TPH2: variants seen among roughly 807,000 people sequenced by gnomAD.
The protein encoded by TPH2 is tryptophan 5-hydroxylase 2.
In TPH2, 27 loss-of-function variants were observed where a neutral mutation model predicts 59.1. The observed-to-expected ratio is 0.46, with a 90% CI of 0.34 to 0.63. The LOEUF (loss-of-function observed/expected upper bound fraction) is 0.63. TPH2 is among the 30% of genes least tolerant of loss of function. The probability of loss-of-function intolerance (pLI) is 0.01; values close to 1 mark genes in which losing one functional copy is unlikely to be tolerated. For synonymous variants in TPH2, 220 were observed against 210.5 expected (o/e 1.05, Z -0.39); for missense variants, 523 against 588.3 (o/e 0.89, Z 1.15).
At chr12:72,024,868 C>G (rs1873525874) in intron 9 of TPH2, among the ~76,000 whole-genome samples, 2 of 152,202 alleles carry the variant, frequency 1.3e-5, no homozygotes, top group Admixed American at 1.3e-4. Context: ...TCCATTACCT[C>G]TAGTCATTAA....
intron 5 of TPH2, among the ~76,000 whole-genome samples, chr12:71,950,868 T>C (rs1871326068): frequency 1.3e-5 from 2 of 152,140 alleles, no homozygotes; most frequent in Non-Finnish European, 2.9e-5. Flanking sequence ...GAGAAGATTC[T>C]TCATCCCACC....
chr12:71,998,405 C>T (rs1872745343), intron 8 of TPH2, among the ~76,000 whole-genome samples: 1 of 152,048 alleles, frequency 6.6e-6, no homozygotes, highest in Non-Finnish European at 1.5e-5. Context: ...GGAGATTGTT[C>T]CTGAAATGAT....
chr12:72,016,816 A>G (rs897298884), intron 8 of TPH2, among the ~76,000 whole-genome samples: 36 of 152,218 alleles, frequency 2.4e-4, no homozygotes, highest in Middle Eastern at 3.4e-3. Context: ...ATCCTGGAGG[A>G]AGTGAAAGAA....
intron 8 of TPH2, among the ~76,000 whole-genome samples, chr12:72,011,385 AT>A (rs1873095132): frequency 6.6e-6 from 1 of 152,242 alleles, no homozygotes; most frequent in South Asian, 2.1e-4. Context: ...TTTGTAAAAA[AT>A]AGAATTGGAT....
At chr12:71,943,036 C>T (rs74104726) in intron 2 of TPH2, among the ~76,000 whole-genome samples, 3,865 of 152,284 alleles carry the variant, frequency 0.025, 149 homozygotes, top group African/African-American at 0.087. Flanking sequence ...CCCCTAAAAA[C>T]ATCTACTCTG....
At chr12:72,014,686 C>T (rs1303668790) in intron 8 of TPH2, among the ~76,000 whole-genome samples, 5 of 152,130 alleles carry the variant, frequency 3.3e-5, no homozygotes, top group Admixed American at 2.6e-4. Flanking sequence ...CCACCGTGCC[C>T]GGCCCAGAAA....
chr12:71,997,101 G>A (rs1384923264), intron 8 of TPH2, among the ~76,000 whole-genome samples: 2 of 152,132 alleles, frequency 1.3e-5, no homozygotes, highest in East Asian at 3.9e-4. Flanking sequence ...GGTATGAGCC[G>A]TTTTGTTGCT....
At chr12:72,019,483 T>C (rs1447878056) in intron 8 of TPH2, among the ~76,000 whole-genome samples, 1 of 152,232 alleles carries the variant, frequency 6.6e-6, no homozygotes, top group Non-Finnish European at 1.5e-5. Flanking sequence ...GCTGCCTTTT[T>C]AATTTCTTAA....
At chr12:71,970,120 A>G (rs1871931890) in intron 5 of TPH2, among the ~76,000 whole-genome samples, 1 of 152,222 alleles carries the variant, frequency 6.6e-6, no homozygotes, top group Non-Finnish European at 1.5e-5. Flanking sequence ...ACTAGTATTT[A>G]CTTTGAGATC....
At chr12:72,029,515 T>G (rs1873660031) in intron 9 of TPH2, among the ~76,000 whole-genome samples, 1 of 152,174 alleles carries the variant, frequency 6.6e-6, no homozygotes, top group Non-Finnish European at 1.5e-5. Context: ...AAAGGGACAT[T>G]TTGTTTCTTG....
rs1873733313 is a variant in TPH2, at chr12:72,031,873, A to T, written c.*178A>T. On this transcript the variant is annotated 3_prime_UTR_variant, in exon 11 of 11. Coordinates refer to ENST00000333850, the MANE Select transcript of TPH2 (RefSeq NM_173353.4). ...GTATATAAAGCACCATAAGAAATCC[A>T]ATGGCAGATAACCACTCATTGTATG... The T allele has an allele frequency of 1.4e-6, 1 of 692,700 alleles. No individual in the cohort carries two copies. Among genetic ancestry groups the T allele is most frequent in the East Asian group, 2.7e-5 (1 of 36,792 alleles). The allele number at this position is 692,700 out of a possible 1,614,324, so 42.9% of individuals were successfully genotyped here.
intron 9 of TPH2, among the ~76,000 whole-genome samples, chr12:72,024,180 A>G (rs1873505472): frequency 6.6e-6 from 1 of 152,200 alleles, no homozygotes; most frequent in African/African-American, 2.4e-5. Context: ...CAATGAAAGA[A>G]ATGTGCCTGG....
intron 4 of TPH2, among the ~76,000 whole-genome samples, chr12:71,948,241 T>C (rs952627153): frequency 2.6e-5 from 4 of 152,090 alleles, no homozygotes; most frequent in Non-Finnish European, 4.4e-5. Flanking sequence ...AAATTTTTTA[T>C]ATAGACATTT....
Position 71,949,645 on chromosome 12 carries a change from G to A in TPH2, c.598G>A (p.Gly200Ser). The A allele has an allele frequency of 6.2e-7, 1 of 1,612,620 alleles. No homozygotes were observed. The highest frequency in any genetic ancestry group is 1.3e-5 in the African/African-American group (1 of 74,966). Residue 200 changes from glycine (G) to serine (S), a missense_variant, in exon 5 of 11, where the codon GGT becomes AGT. By Grantham distance (56) the Gly-to-Ser change is moderately conservative. Transcript: ENST00000333850. ...AAAGTATTTTGTGGATGTGGCCATG[G>A]GTTATAAATAGTAAGTACCTGTATA... ...RRKYFVDVAM[G>S]YKYGQPIPRV... is the part of the protein sequence containing the mutation.
intron 5 of TPH2, among the ~76,000 whole-genome samples, chr12:71,952,077 G>T (rs570656327): frequency 6.6e-6 from 1 of 152,302 alleles, no homozygotes; most frequent in East Asian, 1.9e-4. Context: ...GAATATATGA[G>T]TCAACCAGTT....
chr12:71,975,315 A>C (rs1201076368), intron 6 of TPH2, among the ~76,000 whole-genome samples: 1 of 152,212 alleles, frequency 6.6e-6, no homozygotes, highest in Non-Finnish European at 1.5e-5. Context: ...ACTGCACTCC[A>C]GCCTGGGTGA....
At chr12:71,999,287 C>T (rs1475212807) in intron 8 of TPH2, among the ~76,000 whole-genome samples, 2 of 152,178 alleles carry the variant, frequency 1.3e-5, no homozygotes, top group African/African-American at 4.8e-5. Context: ...TTTCTATGCC[C>T]TGAGAACCAT....
chr12:71,983,844 T>G (rs1419495821), intron 7 of TPH2, among the ~76,000 whole-genome samples: 3 of 151,266 alleles, frequency 2.0e-5, no homozygotes, highest in African/African-American at 4.9e-5. Context: ...TAGCAGTGTG[T>G]GGGCCCCTTA....
Position 71,974,558 on chromosome 12 carries a change from C to T in TPH2, c.805+1843C>T, listed in dbSNP as rs76410927. On this transcript the variant is annotated intron_variant, in intron 6 of 10. Transcript: ENST00000333850. ...CTCTTATGATTATATTGGCCCCACC[C>T]GAATTATCTAGGACAGTCTCTCCAT... Among the ~76,000 whole-genome samples, 1,210 of 152,188 alleles carry T rather than the reference C, an allele frequency of 8.0e-3. 8 individuals are homozygous for T. The highest frequency in any genetic ancestry group is 0.028 in the African/African-American group (1,155 of 41,500).
Sources: allele counts gnomAD v4.1 joint callset (sites outside exome capture counted in the v4.1 genomes callset), GRCh38; gene constraint gnomAD v4.1.1; transcripts MANE v1.5; gene names NCBI Gene and HGNC (gene_info 2026-07-23, HGNC 2026-07-21).